CHST4: variants seen among roughly 807,000 people sequenced by gnomAD.
The protein encoded by CHST4 is GST-3.
For missense variants in CHST4, 466 were observed against 506.0 expected (o/e 0.92, Z 0.76); for synonymous variants, 171 against 195.5 (o/e 0.87, Z 1.05).
chr16:71,536,613 CAA>C, intron 1 of CHST4, 45 bp from the exon 2 acceptor site: 1 of 1,341,214 alleles, frequency 7.5e-7, no homozygotes, highest in African/African-American at 1.5e-5. Flanking sequence ...AGAAGGCAAA[CAA>C]TAAAACAGCA....
At chr16:71,530,375 C>T (rs2043938967) in intron 1 of CHST4, among the ~76,000 whole-genome samples, 1 of 152,170 alleles carries the variant, frequency 6.6e-6, no homozygotes, top group Non-Finnish European at 1.5e-5. Flanking sequence ...CCATGAAGGA[C>T]CCCAGGTGCG....
At chr16:71,534,352 T>C (rs891129287) in intron 1 of CHST4, among the ~76,000 whole-genome samples, 19 of 149,520 alleles carry the variant, frequency 1.3e-4, no homozygotes, top group South Asian at 1.1e-3. Context: ...TTCTTTCTTT[T>C]TTTTTTTTTT....
At position 71,537,632 on chromosome 16, in the gene CHST4, G is replaced by A. The variant is rs758459561; in HGVS notation, c.955G>A (p.Ala319Thr). The A allele has an allele frequency of 8.1e-6, 13 of 1,614,140 alleles. No homozygotes were observed. The highest frequency in any genetic ancestry group is 4.0e-5 in the African/African-American group (3 of 75,052). Residue 319 changes from alanine (A) to threonine (T), a missense_variant, in exon 2 of 2, where the codon GCT becomes ACT. Ala to Thr is a moderately conservative substitution (Grantham distance 58). Coordinates refer to ENST00000539698, the MANE Select transcript of CHST4 (RefSeq NM_001166395.2). The surrounding 1 kb of genome is among the most constrained non-coding windows in gnomAD (Gnocchi z 4.2). ...CCGAGGCAAGGGCATGGGTGACCAC[G>A]CTTTCCACACAAATGCCAGGGATGC... ...ITRGKGMGDHAFHTNARDALN... is the reference protein window; with the variant it reads ...ITRGKGMGDHTFHTNARDALN...
intron 1 of CHST4, 61 bp from the exon 2 acceptor site, chr16:71,536,599 G>A: frequency 7.8e-7 from 1 of 1,276,130 alleles, no homozygotes; most frequent in Non-Finnish European, 1.0e-6. Context: ...GCCAGAAGGG[G>A]AATAGAAGGC....
intron 1 of CHST4, among the ~76,000 whole-genome samples, chr16:71,531,572 C>G (rs2043948350): frequency 6.6e-6 from 1 of 152,036 alleles, no homozygotes; most frequent in African/African-American, 2.4e-5. Context: ...GTTAGGAGGC[C>G]CAGCTCCAGC....
Position 71,538,082 on chromosome 16 carries a change from T to G in CHST4, c.*244T>G. On this transcript the variant is annotated 3_prime_UTR_variant, in exon 2 of 2. Transcript: ENST00000539698. ...CAGTGAAACAGGGTATTGCTCTTCT[T>G]CTTTTCTTGATCTTCCTGTCTGGGC... 1 of 536,306 alleles carries G rather than the reference T, an allele frequency of 1.9e-6. No homozygotes were observed. Among genetic ancestry groups the G allele is most frequent in the South Asian group, 3.0e-5 (1 of 33,860 alleles). 33.2% of individuals were successfully genotyped at this position (536,306 alleles called of 1,614,324 possible).
intron 1 of CHST4, among the ~76,000 whole-genome samples, chr16:71,534,106 C>T (rs2043969232): frequency 6.6e-6 from 1 of 151,868 alleles, no homozygotes; most frequent in Non-Finnish European, 1.5e-5. Flanking sequence ...GTGTGTCAGG[C>T]TGGCTGCAGG....
intron 1 of CHST4, among the ~76,000 whole-genome samples, chr16:71,530,374 A>G (rs1482577087): frequency 6.6e-6 from 1 of 152,080 alleles, no homozygotes; most frequent in Non-Finnish European, 1.5e-5. Context: ...GCCATGAAGG[A>G]CCCCAGGTGC....
chr16:71,527,624 CCT>C lies in CHST4; in HGVS notation c.-19+1130_-19+1131del, dbSNP rs2043918115. Among the ~76,000 whole-genome samples the C allele has an allele frequency of 2.0e-5, 3 of 152,072 alleles. No individual in the cohort carries two copies. In the South Asian group the frequency reaches 6.2e-4, roughly 32 times the overall value. ...AATTAGCTGGGCATGGTGGCAGGCACCTGTAATCCCAGCTACTCAGGAGGCTG... is the reference window on the plus strand; with the variant it reads ...AATTAGCTGGGCATGGTGGCAGGCACGTAATCCCAGCTACTCAGGAGGCTG... On this transcript the variant is annotated intron_variant, in intron 1 of 1. Coordinates refer to ENST00000539698, the MANE Select transcript of CHST4 (RefSeq NM_001166395.2).
At chr16:71,527,476 A>G (rs1378580123) in intron 1 of CHST4, among the ~76,000 whole-genome samples, 1 of 152,176 alleles carries the variant, frequency 6.6e-6, no homozygotes, top group African/African-American at 2.4e-5. Context: ...GCCAGGCGCG[A>G]TGGCTCGCGC....
chr16:71,530,990 G>A (rs771102464), intron 1 of CHST4, among the ~76,000 whole-genome samples: 9 of 152,058 alleles, frequency 5.9e-5, no homozygotes, highest in Non-Finnish European at 1.0e-4. Flanking sequence ...CTGAGGCACA[G>A]GAATCACTTG....
chr16:71,530,150 A>T (rs185455598), intron 1 of CHST4, among the ~76,000 whole-genome samples: 54 of 145,734 alleles, frequency 3.7e-4, no homozygotes, highest in Admixed American at 1.0e-3. Context: ...AAATAAAATT[A>T]AAAAAAAAAA....
chr16:71,536,711 T>C lies in CHST4; in HGVS notation c.34T>C (p.Phe12Leu), dbSNP rs762585305. 2.0e-6 allele frequency: 3 copies of C among 1,496,240 alleles called. No individual in the cohort carries two copies. The highest frequency in any genetic ancestry group is 4.6e-5 in the East Asian group (2 of 43,052). 92.7% of individuals were successfully genotyped at this position (1,496,240 alleles called of 1,614,324 possible). Residue 12 changes from phenylalanine to leucine, a missense_variant, in exon 2 of 2, where the codon TTT (phenylalanine) becomes CTT (leucine). Coordinates refer to ENST00000539698, the MANE Select transcript of CHST4 (RefSeq NM_001166395.2). ...LLPKKMKLLL[F>L]LVSQMAILAL... ...GCCTAAAAAAATGAAGCTCCTGCTG[T>C]TTCTGGTTTCCCAGATGGCCATCTT...
rs534036983 is a variant in CHST4, at chr16:71,528,173, C to G, written c.-19+1678C>G. 2.9e-4 allele frequency among the ~76,000 whole-genome samples: 44 copies of G among 150,096 alleles called. 2 individuals are homozygous for G. The South Asian group carries it at 9.0e-3, about 31-fold the overall frequency. On this transcript the variant is annotated intron_variant, in intron 1 of 1. Transcript: ENST00000539698. ...GCTGAGGCAGGAGAAGCGCTTGAACCTGAGGAGTCGAGGTTGCAGTGAGCT... is the reference window on the plus strand; with the variant it reads ...GCTGAGGCAGGAGAAGCGCTTGAACGTGAGGAGTCGAGGTTGCAGTGAGCT...
At chr16:71,527,393 G>A (rs543888679) in intron 1 of CHST4, among the ~76,000 whole-genome samples, 4 of 152,294 alleles carry the variant, frequency 2.6e-5, no homozygotes, top group African/African-American at 4.8e-5. Flanking sequence ...TAAGGTGGTC[G>A]GGGTGCAGCT....
intron 1 of CHST4, among the ~76,000 whole-genome samples, chr16:71,536,290 C>T (rs1334850192): frequency 2.6e-5 from 4 of 152,172 alleles, no homozygotes; most frequent in Non-Finnish European, 4.4e-5. Flanking sequence ...ACTGAGGTGA[C>T]GCCTCCCCTG....
chr16:71,527,818 A>G (rs898582744), intron 1 of CHST4, among the ~76,000 whole-genome samples: 4 of 152,044 alleles, frequency 2.6e-5, no homozygotes, highest in Non-Finnish European at 5.9e-5. Context: ...ATCTCGGCTC[A>G]CTGCAACTGA....
Position 71,537,391 on chromosome 16 carries a change from G to C in CHST4, c.714G>C (p.Lys238Asn). 1 of 1,614,136 alleles carries C rather than the reference G, an allele frequency of 6.2e-7. No homozygotes were observed. Among genetic ancestry groups the C allele is most frequent in the Non-Finnish European group, 8.5e-7 (1 of 1,180,032 alleles). Residue 238 changes from lysine (K) to asparagine (N), a missense_variant, in exon 2 of 2, where the codon AAG becomes AAC. Transcript: ENST00000539698. The surrounding 1 kb of genome is among the most constrained non-coding windows in gnomAD (Gnocchi z 4.2). ...GGCAGCATGAGCAAAAACTCAAGAA[G>C]GAGGACCAACCCTACTATGTGATGC... ...VMGQHEQKLK[K>N]EDQPYYVMQV...
chr16:71,536,805 T>G lies in CHST4; in HGVS notation c.128T>G (p.Met43Arg), dbSNP rs2043992083. The change falls in exon 2 of 2, where the codon ATG (methionine) becomes AGG (arginine). Residue 43 changes from methionine (M) to arginine (R), a missense_variant. Coordinates refer to ENST00000539698, the MANE Select transcript of CHST4 (RefSeq NM_001166395.2). ...TCTATGAAGGCACAGCCCGAGCGCA[T>G]GCACGTGCTGGTTCTGTCTTCCTGG... The part of the protein sequence containing the change: ...SLSMKAQPER[M>R]HVLVLSSWRS... 4 of 1,529,784 alleles carry G rather than the reference T, an allele frequency of 2.6e-6. No individual in the cohort carries two copies. In the East Asian group the frequency reaches 6.8e-5, roughly 26 times the overall value. The allele number at this position is 1,529,784 out of a possible 1,614,324, so 94.8% of individuals were successfully genotyped here. A position where few individuals can be genotyped will look rare whatever the true frequency, so the allele number is the denominator to read the frequency against.
Sources: gnomAD v4.1 joint callset for allele counts (sites outside exome capture counted in the v4.1 genomes callset) on GRCh38, gnomAD v4.1.1 for gene constraint, Gnocchi (gnomAD v3.1) non-coding constraint, MANE v1.5 for transcripts, NCBI Gene and HGNC (gene_info 2026-07-23, HGNC 2026-07-21) for gene names.